Variants in NRXN3 observed in about 807,000 individuals in gnomAD.
The protein encoded by NRXN3 is neurexin III.
Under a neutral mutation model 137.6 loss-of-function variants are expected in NRXN3, and 32 were observed. The observed-to-expected ratio is 0.23, with a 90% CI of 0.18 to 0.31. The LOEUF (loss-of-function observed/expected upper bound fraction) is 0.31. Among genes scored for constraint, NRXN3 ranks in the 10% least tolerant of loss-of-function variants. The pLI is 1.00. For synonymous variants in NRXN3, 798 were observed against 784.5 expected, an observed-to-expected ratio of 1.02 and a Z score of -0.29; for missense variants, 1,574 against 2,062.5, an observed-to-expected ratio of 0.76 and a Z score of 4.59.
chr14:78,596,529 C>T (rs113318431), intron 4 of NRXN3, among the ~76,000 whole-genome samples: 1,677 of 152,284 alleles, frequency 0.011, 13 homozygotes, highest in South Asian at 0.027. Context: ...GTACTATATA[C>T]GTGTGTTATT....
At position 79,861,674 on chromosome 14, in the gene NRXN3, G is replaced by A. The variant is rs1309777654; in HGVS notation, c.4426G>A (p.Glu1476Lys). The A allele has an allele frequency of 6.2e-7, 1 of 1,614,158 alleles. No individual in the cohort carries two copies. The highest frequency in any genetic ancestry group is 8.5e-7 in the Non-Finnish European group (1 of 1,180,036). Reference sequence around the variant, plus strand: ...TAATGTGCCCACAGCAAACCCCACGGAGCCGGGAATCAGACGGGTTCCGGG... The same window carrying A: ...TAATGTGCCCACAGCAAACCCCACGAAGCCGGGAATCAGACGGGTTCCGGG... ...FRNVPTANPT[E>K]PGIRRVPGAS... Residue 1476 changes from glutamate (E) to lysine (K), a missense_variant, in exon 21 of 21, where the codon GAG (glutamate) becomes AAG (lysine). Physicochemically the swap from Glu to Lys is moderately conservative, Grantham distance 56. Transcript: ENST00000335750. The surrounding 1 kb of genome is among the most constrained non-coding windows in gnomAD (Gnocchi z 5.4).
chr14:78,416,717 A>G (rs895383761), intron 4 of NRXN3, among the ~76,000 whole-genome samples: 3 of 152,240 alleles, frequency 2.0e-5, no homozygotes, highest in African/African-American at 7.2e-5. Context: ...TTGGAGGCAC[A>G]TGGATCCAGG....
At chr14:79,025,560 C>T (rs549829940) in intron 15 of NRXN3, among the ~76,000 whole-genome samples, 2 of 152,158 alleles carry the variant, frequency 1.3e-5, no homozygotes, top group East Asian at 3.9e-4. Flanking sequence ...CAATTTTTCC[C>T]TCTACCGTGA....
chr14:79,443,549 C>T lies in NRXN3; in HGVS notation c.3263-23672C>T, dbSNP rs921976787. Among the ~76,000 whole-genome samples the T allele has an allele frequency of 1.7e-4, 26 of 152,176 alleles. No individual in the cohort carries two copies. In the East Asian group the frequency reaches 2.1e-3, roughly 12 times the overall value. Reference sequence around the variant, plus strand: ...AAATGAGAGAGAATAGAGAAATTAACCAATATTATAGTCCAGCCAACAGCA... The same window carrying T: ...AAATGAGAGAGAATAGAGAAATTAATCAATATTATAGTCCAGCCAACAGCA... On this transcript the variant is annotated intron_variant, in intron 15 of 20. Coordinates refer to ENST00000335750, the MANE Select transcript of NRXN3 (RefSeq NM_001330195.2).
At chr14:78,999,444 C>T (rs922151299) in intron 15 of NRXN3, among the ~76,000 whole-genome samples, 2 of 152,108 alleles carry the variant, frequency 1.3e-5, no homozygotes, top group Non-Finnish European at 2.9e-5. Context: ...GGTTGAATGA[C>T]TGAGTCTTGC....
intron 15 of NRXN3, among the ~76,000 whole-genome samples, chr14:79,227,221 C>T (rs1226970935): frequency 6.6e-6 from 1 of 152,092 alleles, no homozygotes; most frequent in African/African-American, 2.4e-5. Context: ...AGGTACCTGG[C>T]GTTGTTCTAG....
intron 19 of NRXN3, among the ~76,000 whole-genome samples, chr14:79,744,388 T>C (rs2098972537): frequency 6.7e-6 from 1 of 150,214 alleles, no homozygotes; most frequent in Non-Finnish European, 1.5e-5. Context: ...ATTCTCTTCT[T>C]CACCTTTCTA....
chr14:78,649,107 T>A, intron 5 of NRXN3, among the ~76,000 whole-genome samples: 1 of 152,208 alleles, frequency 6.6e-6, no homozygotes, highest in Admixed American at 6.5e-5. Context: ...CGGGTGCCTT[T>A]TTTTTGAGAA....
intron 4 of NRXN3, among the ~76,000 whole-genome samples, chr14:78,480,742 CT>C (rs1022273326): frequency 6.6e-6 from 1 of 152,024 alleles, no homozygotes; most frequent in African/African-American, 2.4e-5. Flanking sequence ...TATTGTGCAG[CT>C]TTTTTTGTCC....
intron 4 of NRXN3, chr14:78,403,973 T>C (rs1396417739): frequency 1.1e-5 from 8 of 751,898 alleles, no homozygotes; most frequent in African/African-American, 9.5e-5. Flanking sequence ...TGTATTTTAT[T>C]GGTGCAAAGT....
intron 20 of NRXN3, among the ~76,000 whole-genome samples, chr14:79,805,558 G>T (rs1191351071): frequency 1.3e-5 from 2 of 152,062 alleles, no homozygotes; most frequent in African/African-American, 4.8e-5. Flanking sequence ...GGAAATATAT[G>T]TTGGAATGAC....
At chr14:78,312,080 T>C (rs1484668985) in intron 4 of NRXN3, among the ~76,000 whole-genome samples, 1 of 152,188 alleles carries the variant, frequency 6.6e-6, no homozygotes, top group Admixed American at 6.5e-5. Context: ...TAAGTCCTGG[T>C]CATCTTCACT....
intron 4 of NRXN3, among the ~76,000 whole-genome samples, chr14:78,572,203 G>A (rs980881599): frequency 2.0e-5 from 3 of 152,188 alleles, no homozygotes; most frequent in African/African-American, 7.2e-5. Flanking sequence ...CTGCCTGACT[G>A]CTCTTCTTTC....
At chr14:79,710,048 T>C (rs1265614128) in intron 19 of NRXN3, among the ~76,000 whole-genome samples, 5 of 152,170 alleles carry the variant, frequency 3.3e-5, no homozygotes, top group African/African-American at 4.8e-5. Context: ...GTTTTTGTTA[T>C]GATTGTTGTC....
intron 6 of NRXN3, among the ~76,000 whole-genome samples, chr14:78,670,186 G>T (rs1193764754): frequency 2.6e-5 from 4 of 152,130 alleles, no homozygotes; most frequent in Non-Finnish European, 4.4e-5. Flanking sequence ...CAAAGGACAT[G>T]AACTCATCCT....
chr14:79,499,915 T>C (rs556365715), intron 16 of NRXN3, among the ~76,000 whole-genome samples: 11 of 151,308 alleles, frequency 7.3e-5, no homozygotes, highest in Non-Finnish European at 1.6e-4. Context: ...TTCTTTATAT[T>C]AGGCCCCCTG....
intron 10 of NRXN3, among the ~76,000 whole-genome samples, chr14:78,934,697 A>G (rs1415596636): frequency 1.3e-5 from 2 of 151,630 alleles, no homozygotes; most frequent in African/African-American, 4.9e-5. Flanking sequence ...ATTCTCAGCA[A>G]ACTATCACAA....
intron 19 of NRXN3, among the ~76,000 whole-genome samples, chr14:79,755,279 AATTTG>A (rs2099015443): frequency 6.6e-6 from 1 of 152,136 alleles, no homozygotes; most frequent in Non-Finnish European, 1.5e-5. Context: ...TATGTTTTAA[AATTTG>A]TATATTTTGT....
intron 15 of NRXN3, among the ~76,000 whole-genome samples, chr14:79,463,894 C>A (rs2153608226): frequency 6.6e-6 from 1 of 152,140 alleles, no homozygotes; most frequent in Non-Finnish European, 1.5e-5. Flanking sequence ...CCAGGATTTT[C>A]CCAAGAAGTT....
Sources: allele counts gnomAD v4.1 joint callset (sites outside exome capture counted in the v4.1 genomes callset), GRCh38; gene constraint gnomAD v4.1.1; non-coding constraint Gnocchi (gnomAD v3.1); transcripts MANE v1.5; gene names NCBI Gene and HGNC (gene_info 2026-07-23, HGNC 2026-07-21).